The following HSD17B12 variants were observed in gnomAD, a reference collection of about 807,000 sequenced individuals.
HSD17B12 encodes hydroxysteroid 17-beta dehydrogenase 12, also known as very-long-chain 3-oxoacyl-CoA reductase.
HSD17B12 carries 32 observed loss-of-function variants against 39.3 expected under a neutral mutation model. That is an observed-to-expected ratio of 0.81 (90% confidence interval 0.61 to 1.09). The LOEUF (loss-of-function observed/expected upper bound fraction) is 1.09, where lower values mean the gene tolerates loss of function less well. Among genes scored for constraint, HSD17B12 ranks in the 50% least tolerant of loss-of-function variants. HSD17B12 has a pLI of 0.00. For synonymous variants in HSD17B12, 150 were observed against 146.7 expected (o/e 1.02, Z -0.16); for missense variants, 342 against 382.9 (o/e 0.89, Z 0.89).
At chr11:43,679,357 C>A (rs937557449), upstream of HSD17B12, among the ~76,000 whole-genome samples, 4 of 152,088 alleles carry the variant, frequency 2.6e-5, no homozygotes, top group African/African-American at 7.2e-5. Context: ...GGCAATCAGG[C>A]AGGAGAAAGA....
At chr11:43,671,997 T>C in the HSD17B12 span, among the ~76,000 whole-genome samples, 1 of 152,222 alleles carries the variant, frequency 6.6e-6, no homozygotes, top group Admixed American at 6.5e-5. Flanking sequence ...AATGTGAGTC[T>C]AAGTTCTGTT....
At chr11:43,793,127 T>C (rs1242395496) in intron 3 of HSD17B12, among the ~76,000 whole-genome samples, 1 of 152,142 alleles carries the variant, frequency 6.6e-6, no homozygotes, top group East Asian at 1.9e-4. Context: ...AGAAGGTTTC[T>C]AGGAGCACAG....
At chr11:43,843,682 C>T (rs1951447986) in intron 9 of HSD17B12, among the ~76,000 whole-genome samples, 1 of 152,166 alleles carries the variant, frequency 6.6e-6, no homozygotes, top group South Asian at 2.1e-4. Context: ...CCTATTTGCA[C>T]CTGAACCCTA....
chr11:43,811,335 G>A (rs557791873), intron 4 of HSD17B12, among the ~76,000 whole-genome samples: 1 of 152,080 alleles, frequency 6.6e-6, no homozygotes, highest in Non-Finnish European at 1.5e-5. Flanking sequence ...CATTCCACAA[G>A]CAAAAGGTGG....
intron 1 of HSD17B12, among the ~76,000 whole-genome samples, chr11:43,690,383 TATATATATATATATATA>T (rs1949845947): frequency 3.7e-4 from 5 of 13,616 alleles, no homozygotes; most frequent in African/African-American, 1.0e-3. Context: ...TATATATATA[TATATATATATATATATA>T]TATATTTTTT....
chr11:43,636,004 T>G, the HSD17B12 span, among the ~76,000 whole-genome samples: 1 of 152,228 alleles, frequency 6.6e-6, no homozygotes, highest in African/African-American at 2.4e-5. Context: ...CAAGCTTCAA[T>G]GGTGTTGACT....
the HSD17B12 span, among the ~76,000 whole-genome samples, chr11:43,613,977 A>G: frequency 6.6e-6 from 1 of 152,134 alleles, no homozygotes; most frequent in Non-Finnish European, 1.5e-5. Context: ...GCCTTCAATG[A>G]ATTTATGTGA....
chr11:43,755,424 A>G (rs1183583174), intron 3 of HSD17B12: 1 of 152,340 alleles, frequency 6.6e-6, no homozygotes, highest in Admixed American at 6.5e-5. Flanking sequence ...CTGGAATTCA[A>G]GTCCGCAGAT....
chr11:43,848,746 G>A (rs898348264), intron 9 of HSD17B12, among the ~76,000 whole-genome samples: 1 of 152,136 alleles, frequency 6.6e-6, no homozygotes, highest in African/African-American at 2.4e-5. Context: ...ATCCAAGTTG[G>A]TCTGATTATA....
chr11:43,740,956 A>G (rs368374453), intron 1 of HSD17B12, among the ~76,000 whole-genome samples: 1 of 152,330 alleles, frequency 6.6e-6, no homozygotes, highest in African/African-American at 2.4e-5. Flanking sequence ...TCCCCAGGGT[A>G]GTTTTTGCAC....
chr11:43,764,957 A>T (rs1373375829), intron 3 of HSD17B12, among the ~76,000 whole-genome samples: 2 of 151,640 alleles, frequency 1.3e-5, no homozygotes, highest in Non-Finnish European at 2.9e-5. Flanking sequence ...TTTGCTATTT[A>T]TTCTGTCTGT....
At position 43,816,400 on chromosome 11, in the gene HSD17B12, C is replaced by T; in HGVS notation, c.501+9C>T. The T allele has an allele frequency of 6.6e-7, 1 of 1,517,606 alleles. No homozygotes were observed. Among genetic ancestry groups the T allele is most frequent in the Non-Finnish European group, 8.9e-7 (1 of 1,124,102 alleles). 94.0% of individuals were successfully genotyped at this position (1,517,606 alleles called of 1,614,324 possible). On this transcript the variant is annotated intron_variant, in intron 6 of 10. Transcript: ENST00000278353. ...TTCTTTCTGTTTGTAAGGTAAGCAT[C>T]CTTGTTATAAAGATGTCATCCTTTT...
At chr11:43,588,615 A>ATTC in the HSD17B12 span, among the ~76,000 whole-genome samples, 3,087 of 148,808 alleles carry the variant, frequency 0.021, 92 homozygotes, top group African/African-American at 0.071. Flanking sequence ...ATTAGCTATT[A>ATTC]TTATTATTAT....
chr11:43,728,985 A>G (rs995057135), intron 1 of HSD17B12, among the ~76,000 whole-genome samples: 2 of 152,194 alleles, frequency 1.3e-5, no homozygotes, highest in African/African-American at 4.8e-5. Context: ...TCTATATGCT[A>G]TTATGTGTGC....
chr11:43,769,074 G>C (rs1049803216), intron 3 of HSD17B12, among the ~76,000 whole-genome samples: 2 of 152,146 alleles, frequency 1.3e-5, no homozygotes, highest in African/African-American at 2.4e-5. Context: ...CAAGAAGCTA[G>C]GATTACAGGG....
the HSD17B12 span, among the ~76,000 whole-genome samples, chr11:43,591,787 G>T: frequency 6.6e-6 from 1 of 151,702 alleles, no homozygotes; most frequent in South Asian, 2.1e-4. Context: ...TCCCAGTAAA[G>T]ATCATCATTT....
chr11:43,577,242 T>C, the HSD17B12 span, among the ~76,000 whole-genome samples: 13 of 152,284 alleles, frequency 8.5e-5, no homozygotes, highest in South Asian at 2.5e-3. Flanking sequence ...CCAGCTGCGG[T>C]TAGCCCCGCC....
intron 1 of HSD17B12, among the ~76,000 whole-genome samples, chr11:43,746,998 A>T (rs147392021): frequency 5.1e-4 from 77 of 152,324 alleles, no homozygotes; most frequent in Non-Finnish European, 6.2e-4. Context: ...TACCAACAGG[A>T]TTTGTAAATA....
At chr11:43,677,084 C>T (rs1305375302), upstream of HSD17B12, among the ~76,000 whole-genome samples, 5 of 152,082 alleles carry the variant, frequency 3.3e-5, no homozygotes, top group African/African-American at 4.8e-5. Context: ...GATGTCAGCT[C>T]GACTCACATG....
Sources: allele counts gnomAD v4.1 joint callset (sites outside exome capture counted in the v4.1 genomes callset), GRCh38; gene constraint gnomAD v4.1.1; transcripts MANE v1.5; gene names NCBI Gene and HGNC (gene_info 2026-07-23, HGNC 2026-07-21).